The following FER variants were observed in gnomAD, a reference collection of about 807,000 sequenced individuals.
The protein encoded by FER is tyrosine-protein kinase Fer.
Under a neutral mutation model 111.0 loss-of-function variants are expected in FER, and 63 were observed. The observed-to-expected ratio is 0.57, with a 90% CI of 0.46 to 0.70. The LOEUF (loss-of-function observed/expected upper bound fraction) is 0.70. Ranked by LOEUF, FER falls within the 30% of genes least tolerant of loss-of-function variation. FER has a pLI of 0.00. For missense variants in FER, 914 were observed against 954.0 expected, an observed-to-expected ratio of 0.96 and a Z score of 0.55; for synonymous variants, 327 against 313.9, an observed-to-expected ratio of 1.04 and a Z score of -0.44.
Position 109,179,588 on chromosome 5 carries a change from C to G in FER, c.2049-1159C>G, listed in dbSNP as rs192265933. ...TTGTATATGACTGTATCTGTAAGTTCCACATCTGTGGATTCAACCATCCAG... is the reference window on the plus strand; with the variant it reads ...TTGTATATGACTGTATCTGTAAGTTGCACATCTGTGGATTCAACCATCCAG... On this transcript the variant is annotated intron_variant, in intron 17 of 19. Transcript: ENST00000281092. 3.5e-3 allele frequency among the ~76,000 whole-genome samples: 534 copies of G among 152,202 alleles called. 5 individuals are homozygous for G. Among genetic ancestry groups the G allele is most frequent in the Middle Eastern group, 6.8e-3 (2 of 294 alleles).
intron 13 of FER, among the ~76,000 whole-genome samples, chr5:108,995,278 T>C (rs933748353): frequency 8.5e-5 from 13 of 152,052 alleles, no homozygotes; most frequent in Non-Finnish European, 1.5e-5. Flanking sequence ...CTTTTTTTAA[T>C]TATTATACTT....
intron 4 of FER, among the ~76,000 whole-genome samples, chr5:108,833,454 C>T (rs987792638): frequency 4.0e-5 from 6 of 149,766 alleles, no homozygotes; most frequent in African/African-American, 1.2e-4. Context: ...TACCCATCAC[C>T]TGAATAGTCA....
At chr5:108,837,345 C>T (rs1760772016) in intron 5 of FER, among the ~76,000 whole-genome samples, 1 of 152,184 alleles carries the variant, frequency 6.6e-6, no homozygotes, top group Non-Finnish European at 1.5e-5. Context: ...CCAAGTCTCA[C>T]TCTCTTGCAA....
At chr5:109,010,359 G>A (rs1170189842) in intron 13 of FER, among the ~76,000 whole-genome samples, 4 of 151,860 alleles carry the variant, frequency 2.6e-5, no homozygotes, top group African/African-American at 7.3e-5. Flanking sequence ...GGGTTTGACC[G>A]TGTTAGCCAG....
chr5:109,176,463 G>C (rs1156288558), intron 17 of FER, among the ~76,000 whole-genome samples: 2 of 152,146 alleles, frequency 1.3e-5, no homozygotes, highest in Non-Finnish European at 2.9e-5. Flanking sequence ...GAATTGAAAG[G>C]TACAGGAGAC....
Position 109,030,392 on chromosome 5 carries a change from C to G in FER, c.1657-7030C>G, listed in dbSNP as rs896513018. Among the ~76,000 whole-genome samples the G allele has an allele frequency of 4.8e-4, 73 of 152,282 alleles. 1 individual carries two copies. The highest frequency in any genetic ancestry group is 1.6e-3 in the African/African-American group (68 of 41,564). On this transcript the variant is annotated intron_variant, in intron 13 of 19. Transcript: ENST00000281092. ...GGATGATTTTTAATTGTACCCTAGACATATAATCTATTATGTTAGGACATC... is the reference window on the plus strand; with the variant it reads ...GGATGATTTTTAATTGTACCCTAGAGATATAATCTATTATGTTAGGACATC...
At chr5:109,110,996 G>A (rs1749545755) in intron 17 of FER, among the ~76,000 whole-genome samples, 1 of 152,104 alleles carries the variant, frequency 6.6e-6, no homozygotes, top group South Asian at 2.1e-4. Context: ...TGTAATGGAA[G>A]AAAAATGAAG....
At chr5:108,961,517 A>G (rs868557059) in intron 13 of FER, among the ~76,000 whole-genome samples, 1 of 152,210 alleles carries the variant, frequency 6.6e-6, no homozygotes, top group Non-Finnish European at 1.5e-5. Flanking sequence ...AGAACTAGCT[A>G]TGAAAATAAA....
chr5:108,819,914 G>A, intron 3 of FER: 1 of 985,296 alleles, frequency 1.0e-6, no homozygotes, highest in Non-Finnish European at 1.2e-6. Context: ...AGGTTGATTG[G>A]GTTGGAGGAG....
intron 10 of FER, among the ~76,000 whole-genome samples, chr5:108,906,760 T>A (rs1750832951): frequency 2.0e-5 from 3 of 151,986 alleles, no homozygotes. Flanking sequence ...ATTACTAAAA[T>A]AATATATATA....
intron 10 of FER, among the ~76,000 whole-genome samples, chr5:108,932,456 A>G (rs947847602): frequency 6.6e-6 from 1 of 152,146 alleles, no homozygotes; most frequent in African/African-American, 2.4e-5. Context: ...AGTCTTTGCT[A>G]TTGTGAATAG....
intron 10 of FER, among the ~76,000 whole-genome samples, chr5:108,936,862 A>G (rs1015788134): frequency 7.9e-5 from 12 of 152,016 alleles, no homozygotes; most frequent in East Asian, 5.8e-4. Flanking sequence ...TGAAAAATGC[A>G]AAGGAAAATA....
chr5:108,879,773 G>A (rs372745027), intron 8 of FER, among the ~76,000 whole-genome samples: 35 of 145,422 alleles, frequency 2.4e-4, no homozygotes, highest in African/African-American at 7.4e-4. Flanking sequence ...GCAGTGGCAC[G>A]ATCTTGGGTC....
intron 13 of FER, among the ~76,000 whole-genome samples, chr5:108,991,237 G>A (rs1763135817): frequency 1.3e-5 from 2 of 151,854 alleles, no homozygotes; most frequent in South Asian, 4.1e-4. Flanking sequence ...ATATGGGTGT[G>A]TGTGTATTTC....
At chr5:108,848,293 A>C (rs1762221166) in intron 5 of FER, among the ~76,000 whole-genome samples, 1 of 152,176 alleles carries the variant, frequency 6.6e-6, no homozygotes, top group Admixed American at 6.5e-5. Context: ...TTACCTTTTA[A>C]TTAGTGGCAT....
chr5:108,857,145 C>T (rs1763083272), intron 5 of FER, among the ~76,000 whole-genome samples: 1 of 152,030 alleles, frequency 6.6e-6, no homozygotes, highest in Non-Finnish European at 1.5e-5. Context: ...GTATGTGGTG[C>T]ATACATATAT....
chr5:108,876,631 A>T (rs894515977), intron 8 of FER, among the ~76,000 whole-genome samples: 1 of 152,224 alleles, frequency 6.6e-6, no homozygotes, highest in Admixed American at 6.5e-5. Context: ...CATTGTGTTT[A>T]TTATGCAATT....
chr5:108,958,510 A>G (rs1758728156), intron 12 of FER, among the ~76,000 whole-genome samples: 1 of 151,770 alleles, frequency 6.6e-6, no homozygotes, highest in Non-Finnish European at 1.5e-5. Context: ...CCAATTTGAA[A>G]TATGAAAACA....
At chr5:108,816,329 G>A (rs1393109913) in intron 3 of FER, among the ~76,000 whole-genome samples, 2 of 152,078 alleles carry the variant, frequency 1.3e-5, no homozygotes, top group Non-Finnish European at 2.9e-5. Flanking sequence ...TTACCTTTTT[G>A]TTGTGAGCCA....
Sources: allele counts gnomAD v4.1 joint callset (sites outside exome capture counted in the v4.1 genomes callset), GRCh38; gene constraint gnomAD v4.1.1; transcripts MANE v1.5; gene names NCBI Gene and HGNC (gene_info 2026-07-23, HGNC 2026-07-21).